Variants in TMEM132A observed in about 807,000 individuals in gnomAD.
TMEM132A encodes GRP78-binding protein.
A neutral mutation model predicts 69.9 loss-of-function variants in TMEM132A; 48 were observed. That is an observed-to-expected ratio of 0.69 (90% CI 0.55 to 0.87). TMEM132A has a LOEUF of 0.87. Among genes scored for constraint, TMEM132A ranks in the 40% least tolerant of loss-of-function variants. TMEM132A has a pLI of 0.00. For synonymous variants in TMEM132A, 577 were observed against 613.7 expected (o/e 0.94, Z 0.88); for missense variants, 1,287 against 1,407.2 (o/e 0.91, Z 1.37).
At position 60,924,730 on chromosome 11, in the gene TMEM132A, A is replaced by C; in HGVS notation, c.97A>C (p.Arg33=). The part of the protein sequence containing the change: ...LLVALALDVV[R]VDCGQAPLDP... ...GGTGGCCCTCGCCCTGGACGTCGTG[A>C]GAGGTCAGCGGGAGGGGAGGGCCGG... The change falls in exon 1 of 11, where the codon AGA becomes CGA. Residue 33 remains arginine (R), a synonymous_variant. Transcript: ENST00000453848. The C allele has an allele frequency of 6.4e-7, 1 of 1,567,612 alleles. No homozygotes were observed. Among genetic ancestry groups the C allele is most frequent in the Non-Finnish European group, 8.6e-7 (1 of 1,164,840 alleles).
intron 7 of TMEM132A, chr11:60,932,523 G>A (rs7114357): frequency 0.33 from 55,199 of 168,028 alleles, 10,225 homozygotes; most frequent in Middle Eastern, 0.42. Context: ...ACATATCTTC[G>A]GGTTGTTGTA....
At chr11:60,933,352 T>G (rs913212676) in intron 7 of TMEM132A, 190 bp from the exon 8 acceptor site, 4 of 585,762 alleles carry the variant, frequency 6.8e-6, no homozygotes, top group Non-Finnish European at 1.2e-5. Context: ...CCGGCTGATT[T>G]ATTGTATTTT....
chr11:60,927,745 G>C lies in TMEM132A; in HGVS notation c.420G>C (p.Arg140=). 6.2e-7 allele frequency: 1 copy of C among 1,613,490 alleles called. No individual in the cohort carries two copies. The highest frequency in any genetic ancestry group is 1.1e-5 in the South Asian group (1 of 91,088). ...AAVTPAEPYA[R]VLFHLKGQDW... is the part of the protein sequence containing the mutation. ...TGACTCCAGCAGAGCCCTACGCCCG[G>C]GTTCTCTTCCACCTCAAAGGGCAGG... is the stretch of plus-strand genomic sequence containing the variant. Residue 140 remains arginine (R), a synonymous_variant, in exon 3 of 11, where the codon CGG becomes CGC. Transcript: ENST00000453848.
rs1403676535 is a variant in TMEM132A, at chr11:60,935,007, A to C, written c.1836+243A>C. Reference sequence around the variant, plus strand: ...GTGTGGGGACCGGGTCTTGAGGGAAAAGGGAACTGCCCCCTAGGTGTGGGA... The same window carrying C: ...GTGTGGGGACCGGGTCTTGAGGGAACAGGGAACTGCCCCCTAGGTGTGGGA... On this transcript the variant is annotated intron_variant, in intron 9 of 10. Transcript: ENST00000453848. This position sits in a 1 kb window ranked among gnomAD's most constrained non-coding sequence, Gnocchi z 5.0. Among the ~76,000 whole-genome samples the C allele has an allele frequency of 6.6e-6, 1 of 152,058 alleles. No individual in the cohort carries two copies. The highest frequency in any genetic ancestry group is 1.5e-5 in the Non-Finnish European group (1 of 67,976).
chr11:60,925,108 C>T (rs1856321116), intron 1 of TMEM132A: 1 of 174,726 alleles, frequency 5.7e-6, no homozygotes, highest in South Asian at 1.7e-4. Context: ...CCCTCCTAGC[C>T]TCCTTCCGCC....
chr11:60,929,108 G>C, intron 4 of TMEM132A, 148 bp downstream of exon 4: 1 of 839,304 alleles, frequency 1.2e-6, no homozygotes, highest in South Asian at 1.7e-5. Context: ...CAGGTAAAAA[G>C]CCATGACTGT....
At chr11:60,932,207 A>C in intron 7 of TMEM132A, 80 bp downstream of exon 7, 6 of 1,445,680 alleles carry the variant, frequency 4.2e-6, no homozygotes, top group Non-Finnish European at 4.6e-6. Flanking sequence ...CTCCTTCCTC[A>C]TGTGGGTCCC....
Position 60,927,653 on chromosome 11 carries a change from C to G in TMEM132A, c.328C>G (p.Arg110Gly), listed in dbSNP as rs768669264. ...ATTCTCCCTCCAGGTGGTCCCCCCTCGAGTCACTGAGCCCCACCAACGGCC... is the reference window on the plus strand; with the variant it reads ...ATTCTCCCTCCAGGTGGTCCCCCCTGGAGTCACTGAGCCCCACCAACGGCC... ...PFATQQVVPP[R>G]VTEPHQRPVP... is the part of the protein sequence containing the mutation. The change falls in exon 3 of 11, where the codon CGA becomes GGA. Residue 110 changes from arginine to glycine, a missense_variant. Transcript: ENST00000453848. 6.2e-7 allele frequency: 1 copy of G among 1,611,100 alleles called. No individual in the cohort carries two copies. Among genetic ancestry groups the G allele is most frequent in the South Asian group, 1.1e-5 (1 of 90,984 alleles).
chr11:60,934,066 C>G (rs930524316), intron 8 of TMEM132A: 2 of 457,244 alleles, frequency 4.4e-6, no homozygotes, highest in Non-Finnish European at 7.7e-6. Flanking sequence ...CTTGAAGCTG[C>G]GGTCTGTCTA....
At chr11:60,929,038 G>C (rs1856418655) in intron 4 of TMEM132A, 78 bp downstream of exon 4, 2 of 1,467,350 alleles carry the variant, frequency 1.4e-6, no homozygotes, top group East Asian at 4.6e-5. Flanking sequence ...GCTCCTCCTG[G>C]GGTCCTTGCT....
rs757417696 is a variant in TMEM132A at position 60,936,207 on chromosome 11, T to G, written c.2372T>G (p.Met791Arg). Residue 791 changes from methionine to arginine, a missense_variant, in exon 11 of 11, where the codon ATG (methionine) becomes AGG (arginine). Met to Arg is a moderately conservative substitution (Grantham distance 91). Coordinates refer to ENST00000453848, the MANE Select transcript of TMEM132A (RefSeq NM_178031.3). ...AGCCCACCAGCCACAGAAGCCACCA[T>G]GGGTGGTAAACGGCAGGTGGCAGGC... is the stretch of plus-strand genomic sequence containing the variant. ...AWSPPATEAT[M>R]GGKRQVAGSV... 6.2e-7 allele frequency: 1 copy of G among 1,613,826 alleles called. No individual in the cohort carries two copies. Among genetic ancestry groups the G allele is most frequent in the South Asian group, 1.1e-5 (1 of 91,062 alleles).
chr11:60,927,512 T>C, intron 2 of TMEM132A, 94 bp downstream of exon 2: 1 of 1,425,568 alleles, frequency 7.0e-7, no homozygotes, highest in Non-Finnish European at 9.6e-7. Context: ...GCCCCGGCTG[T>C]GCTCCCCATA....
intron 1 of TMEM132A, 81 bp from the exon 2 acceptor site, chr11:60,927,123 T>A (rs944796260): frequency 2.6e-6 from 3 of 1,149,924 alleles, no homozygotes; most frequent in Non-Finnish European, 3.9e-6. Flanking sequence ...TGCCCACAAC[T>A]ACTGTGCCCC....
In TMEM132A at chr11:60,928,828, C is replaced by G. The variant is rs536754543; in HGVS notation, c.734C>G (p.Pro245Arg). ...GGVELRPADP[P>R]QYQEVPLDEA... ...GTGGAGCTGCGCCCAGCAGACCCCCCGCAGTACCAGGAGGTACCTCTGGAC... is the reference window on the plus strand; with the variant it reads ...GTGGAGCTGCGCCCAGCAGACCCCCGGCAGTACCAGGAGGTACCTCTGGAC... Residue 245 changes from proline to arginine, a missense_variant, in exon 4 of 11, where the codon CCG (proline) becomes CGG (arginine). Coordinates refer to ENST00000453848, the MANE Select transcript of TMEM132A (RefSeq NM_178031.3). The G allele has an allele frequency of 5.0e-6, 8 of 1,612,222 alleles. No individual in the cohort carries two copies. The Admixed American group carries it at 1.2e-4, about 24-fold the overall frequency.
At chr11:60,933,973 C>T in intron 8 of TMEM132A, 1 of 574,520 alleles carries the variant, frequency 1.7e-6, no homozygotes, top group Admixed American at 3.1e-5. Flanking sequence ...TCCCGTAGCA[C>T]CCTCCACTTC....
At chr11:60,933,317 G>A (rs1034545415) in intron 7 of TMEM132A, 6 of 564,006 alleles carry the variant, frequency 1.1e-5, no homozygotes, top group Non-Finnish European at 1.9e-5. Context: ...CCAGTAGCTA[G>A]GACTACAGGC....
At chr11:60,926,837 C>T (rs185747979) in intron 1 of TMEM132A, among the ~76,000 whole-genome samples, 165 of 152,218 alleles carry the variant, frequency 1.1e-3, no homozygotes, top group African/African-American at 3.7e-3. Context: ...CCCAGTCTGC[C>T]GACGGTTGCA....
Position 60,927,855 on chromosome 11 carries a change from TC to T in TMEM132A, c.532del (p.Gln178SerfsTer79). 1 of 1,607,984 alleles carries T rather than the reference TC, an allele frequency of 6.2e-7. No individual in the cohort carries two copies. ...GGCACTGCTCACCAAGCCTGCCGCT[TC>T]CAGGTGAGTAGACAGGCCCCACCTA... is the stretch of plus-strand genomic sequence containing the variant. ...PAGTAHQACR[F>X]QPSLGACVVE... On this transcript the variant is annotated frameshift_variant, in exon 3 of 11. Transcript: ENST00000453848. LOFTEE classifies it high-confidence loss of function.
chr11:60,935,426 C>G lies in TMEM132A; in HGVS notation c.2011C>G (p.Leu671Val), dbSNP rs760686912. Residue 671 changes from leucine to valine, a missense_variant, in exon 10 of 11, where the codon CTT becomes GTT. By Grantham distance (32) the Leu-to-Val change is conservative (BLOSUM62 1). Coordinates refer to ENST00000453848, the MANE Select transcript of TMEM132A (RefSeq NM_178031.3). The surrounding 1 kb of genome is among the most constrained non-coding windows in gnomAD (Gnocchi z 5.0). Reference sequence around the variant, plus strand: ...AGCTACGTGCTGGGCACAGTCAGCCCTTCCCGCCCCAAAGCAGGTGACAGT... The same window carrying G: ...AGCTACGTGCTGGGCACAGTCAGCCGTTCCCGCCCCAAAGCAGGTGACAGT... The part of the protein sequence containing the change: ...VTATCWAQSA[L>V]PAPKQEVALS... 9 of 1,606,316 alleles carry G rather than the reference C, an allele frequency of 5.6e-6. No homozygotes were observed. In the East Asian group the frequency reaches 6.7e-5, roughly 12 times the overall value.
Sources: allele counts gnomAD v4.1 joint callset (sites outside exome capture counted in the v4.1 genomes callset), GRCh38; gene constraint gnomAD v4.1.1; non-coding constraint Gnocchi (gnomAD v3.1); transcripts MANE v1.5; gene names NCBI Gene and HGNC (gene_info 2026-07-23, HGNC 2026-07-21).